The following FAM135B variants were observed in gnomAD, a reference collection of about 807,000 sequenced individuals.
FAM135B encodes family with sequence similarity 135 member B, also known as protein FAM135B.
A neutral mutation model predicts 127.7 loss-of-function variants in FAM135B; 43 were observed. That is an observed-to-expected ratio of 0.34 (90% confidence interval 0.26 to 0.43). The LOEUF (loss-of-function observed/expected upper bound fraction) is 0.43, where lower values mean the gene tolerates loss of function less well. FAM135B is among the 20% of genes least tolerant of loss of function. The pLI, the probability that FAM135B is intolerant of heterozygous loss-of-function variation, is 1.00. For missense variants in FAM135B, 1,558 were observed against 1,725.6 expected, an observed-to-expected ratio of 0.90 and a Z score of 1.72; for synonymous variants, 670 against 665.1, an observed-to-expected ratio of 1.01 and a Z score of -0.11.
chr8:138,457,175 G>T (rs1564017833), intron 1 of FAM135B, among the ~76,000 whole-genome samples: 1 of 152,120 alleles, frequency 6.6e-6, no homozygotes, highest in African/African-American at 2.4e-5. Flanking sequence ...GAAAAGGAAG[G>T]GGGCATGGGA....
intron 1 of FAM135B, among the ~76,000 whole-genome samples, chr8:138,430,021 A>G (rs1270054691): frequency 6.6e-6 from 1 of 152,188 alleles, no homozygotes; most frequent in African/African-American, 2.4e-5. Flanking sequence ...CTTTAATAGC[A>G]TGCCAGAAGT....
chr8:138,464,077 A>C (rs1392212389), intron 1 of FAM135B, among the ~76,000 whole-genome samples: 1 of 152,156 alleles, frequency 6.6e-6, no homozygotes, highest in Non-Finnish European at 1.5e-5. Context: ...TTCCTTTATC[A>C]GGTAGTATTT....
intron 2 of FAM135B, among the ~76,000 whole-genome samples, chr8:138,311,778 G>A (rs1207369528): frequency 1.3e-5 from 2 of 152,082 alleles, no homozygotes; most frequent in African/African-American, 4.8e-5. Context: ...CTCGTAGAAT[G>A]TTTCTGCTGG....
At chr8:138,371,092 G>T (rs79614241) in intron 1 of FAM135B, among the ~76,000 whole-genome samples, 4,520 of 152,240 alleles carry the variant, frequency 0.03, 147 homozygotes, top group East Asian at 0.17. Context: ...AAAGACAAGG[G>T]TTTTAGCATT....
At chr8:138,140,386 A>G (rs992932569) in intron 17 of FAM135B, among the ~76,000 whole-genome samples, 3 of 152,244 alleles carry the variant, frequency 2.0e-5, no homozygotes, top group African/African-American at 7.2e-5. Context: ...CTACTGAGGT[A>G]GTTGTTAAGA....
intron 1 of FAM135B, among the ~76,000 whole-genome samples, chr8:138,457,848 G>A (rs1368524783): frequency 6.6e-6 from 1 of 151,914 alleles, no homozygotes; most frequent in Non-Finnish European, 1.5e-5. Flanking sequence ...GCCCTGATGG[G>A]CACCTGTAAT....
chr8:138,423,227 A>C (rs1187280574), intron 1 of FAM135B, among the ~76,000 whole-genome samples: 1 of 152,166 alleles, frequency 6.6e-6, no homozygotes. Flanking sequence ...GGGGCAACTT[A>C]CCTATGTAAA....
chr8:138,440,504 T>C (rs1835699878), intron 1 of FAM135B: 1 of 150,266 alleles, frequency 6.7e-6, no homozygotes, highest in Non-Finnish European at 1.5e-5. Context: ...ATAATGCACA[T>C]GAAAGTACTA....
chr8:138,370,220 T>C (rs1023048846), intron 1 of FAM135B, among the ~76,000 whole-genome samples: 4 of 152,138 alleles, frequency 2.6e-5, no homozygotes, highest in Admixed American at 2.6e-4. Context: ...AAGACAATAT[T>C]TAACGCATGG....
chr8:138,400,047 G>A (rs914430240), intron 1 of FAM135B, among the ~76,000 whole-genome samples: 5 of 152,140 alleles, frequency 3.3e-5, no homozygotes, highest in African/African-American at 1.2e-4. Flanking sequence ...GTTTGGCACT[G>A]TATGAAGACT....
intron 2 of FAM135B, among the ~76,000 whole-genome samples, chr8:138,332,673 G>A (rs1364560462): frequency 6.6e-6 from 1 of 151,990 alleles, no homozygotes; most frequent in Non-Finnish European, 1.5e-5. Flanking sequence ...GTGCATTTAG[G>A]GGGAAGGAGA....
At chr8:138,229,864 GCACT>G (rs149777755) in intron 7 of FAM135B, among the ~76,000 whole-genome samples, 2,624 of 152,210 alleles carry the variant, frequency 0.017, 74 homozygotes, top group African/African-American at 0.06. Flanking sequence ...GCTCTCGTGA[GCACT>G]CACTCACTAT....
intron 1 of FAM135B, among the ~76,000 whole-genome samples, chr8:138,405,107 T>A (rs1833388464): frequency 6.6e-6 from 1 of 152,122 alleles, no homozygotes; most frequent in Non-Finnish European, 1.5e-5. Context: ...GATCCACGGG[T>A]TTCAGAATTG....
intron 2 of FAM135B, among the ~76,000 whole-genome samples, chr8:138,357,616 T>A (rs541552009): frequency 6.6e-6 from 1 of 152,168 alleles, no homozygotes; most frequent in East Asian, 1.9e-4. Flanking sequence ...AATGAAGATA[T>A]CTAAAGGAAT....
rs145477359 is a variant in FAM135B at position 138,490,861 on chromosome 8, G to A, written c.-20+5810C>T. Among the ~76,000 whole-genome samples, 198 of 152,238 alleles carry A rather than the reference G, an allele frequency of 1.3e-3. 5 individuals are homozygous for A. The East Asian group carries it at 0.022, about 17-fold the overall frequency. On this transcript the variant is annotated intron_variant, in intron 1 of 19. Transcript: ENST00000395297. Reference sequence around the variant, plus strand: ...AAACTCTAGAAGAGAAAGAAAAATAGGCCAGGCGCGGTGGATCATGCCTGT... The same window carrying A: ...AAACTCTAGAAGAGAAAGAAAAATAAGCCAGGCGCGGTGGATCATGCCTGT...
chr8:138,401,685 G>T (rs780680106), intron 1 of FAM135B, among the ~76,000 whole-genome samples: 62 of 152,326 alleles, frequency 4.1e-4, no homozygotes, highest in Admixed American at 9.1e-4. Context: ...ATGAGAATCT[G>T]TCTGTTCAAT....
At chr8:138,383,601 T>A (rs2131295941) in intron 1 of FAM135B, among the ~76,000 whole-genome samples, 1 of 152,372 alleles carries the variant, frequency 6.6e-6, no homozygotes, top group African/African-American at 2.4e-5. Context: ...GATACTTCAA[T>A]GCTTCTTTCG....
chr8:138,404,689 C>G (rs1393827054), intron 1 of FAM135B, among the ~76,000 whole-genome samples: 1 of 152,128 alleles, frequency 6.6e-6, no homozygotes, highest in African/African-American at 2.4e-5. Context: ...CAGTTCATCT[C>G]AAGACACCAC....
rs549118564 is a variant in FAM135B, at chr8:138,243,091, G to C, written c.543-23C>G. On this transcript the variant is annotated intron_variant, in intron 6 of 19. Coordinates refer to ENST00000395297, the MANE Select transcript of FAM135B (RefSeq NM_015912.4). The surrounding 1 kb of genome is among the most constrained non-coding windows in gnomAD (Gnocchi z 7.5). ...AAACTAAACAAAAGATAATTGAAAG[G>C]GTGAAAAAGGAGGTAAAGAAAGTGA... The C allele has an allele frequency of 6.3e-7, 1 of 1,594,118 alleles. No homozygotes were observed.
Sources: gnomAD v4.1 joint callset for allele counts (sites outside exome capture counted in the v4.1 genomes callset) on GRCh38, gnomAD v4.1.1 for gene constraint, Gnocchi (gnomAD v3.1) non-coding constraint, MANE v1.5 for transcripts, NCBI Gene and HGNC (gene_info 2026-07-23, HGNC 2026-07-21) for gene names.